ARHGAP22: variants seen among roughly 807,000 people sequenced by gnomAD.
The protein encoded by ARHGAP22 is Rho GTPase activating protein 22, also known as rho GTPase-activating protein 22.
ARHGAP22 carries 48 observed loss-of-function variants against 59.1 expected under a neutral mutation model. The ratio of observed to expected loss-of-function variants is 0.81; its 90% CI spans 0.64 to 1.03. The LOEUF is 1.03. Among genes scored for constraint, ARHGAP22 ranks in the 50% least tolerant of loss-of-function variants. The pLI is 0.00. For synonymous variants in ARHGAP22, 445 were observed against 416.4 expected (o/e 1.07, Z -0.84); for missense variants, 1,015 against 958.7 (o/e 1.06, Z -0.78).
chr10:48,591,921 G>A (rs1223558283), intron 1 of ARHGAP22, among the ~76,000 whole-genome samples: 1 of 152,130 alleles, frequency 6.6e-6, no homozygotes. Context: ...TGCATGCTCT[G>A]CAATCTAACA....
chr10:48,627,466 CAG>C (rs2061491330), intron 1 of ARHGAP22, among the ~76,000 whole-genome samples: 1 of 152,176 alleles, frequency 6.6e-6, no homozygotes, highest in Non-Finnish European at 1.5e-5. Flanking sequence ...ATTGGAGAAT[CAG>C]AGAGGGCAAG....
At chr10:48,519,692 T>G (rs144636793) in intron 3 of ARHGAP22, among the ~76,000 whole-genome samples, 123 of 152,300 alleles carry the variant, frequency 8.1e-4, no homozygotes, top group Non-Finnish European at 4.3e-4. Context: ...GGCTCAGAGA[T>G]GGATTCGGGC....
chr10:48,581,865 T>C (rs1299985682), intron 2 of ARHGAP22, among the ~76,000 whole-genome samples: 1 of 152,348 alleles, frequency 6.6e-6, no homozygotes, highest in East Asian at 1.9e-4. Flanking sequence ...CAGAAAGTTA[T>C]TCATGAGCAG....
At chr10:48,435,629 G>A in the ARHGAP22 span, 3 of 152,150 alleles carry the variant, frequency 2.0e-5, no homozygotes, top group South Asian at 2.1e-4. Flanking sequence ...ACAAGAATTG[G>A]TAGGCAATCC....
chr10:48,443,291 T>TTGAGA (rs199786323), downstream of ARHGAP22, among the ~76,000 whole-genome samples: 2,665 of 152,268 alleles, frequency 0.018, 29 homozygotes, highest in South Asian at 0.029. Context: ...TGTGAGTTAA[T>TTGAGA]GTAAAGCTCT....
At chr10:48,457,128 C>A (rs1398655064) in intron 5 of ARHGAP22, among the ~76,000 whole-genome samples, 2 of 152,104 alleles carry the variant, frequency 1.3e-5, no homozygotes, top group Non-Finnish European at 2.9e-5. Flanking sequence ...GCAAGGTGAC[C>A]CTCCATCTGC....
chr10:48,457,876 TC>T (rs1279309824), intron 5 of ARHGAP22, among the ~76,000 whole-genome samples: 1 of 143,708 alleles, frequency 7.0e-6, no homozygotes, highest in Non-Finnish European at 1.5e-5. Flanking sequence ...GAGAGCTCCA[TC>T]CCGGGACCCT....
chr10:48,470,241 G>A (rs2048105381), intron 4 of ARHGAP22, among the ~76,000 whole-genome samples: 1 of 152,238 alleles, frequency 6.6e-6, no homozygotes, highest in South Asian at 2.1e-4. Context: ...CCAGCAAGGT[G>A]GTTAAAAGAG....
At chr10:48,452,770 T>C (rs1212658509) in intron 8 of ARHGAP22, among the ~76,000 whole-genome samples, 1 of 152,206 alleles carries the variant, frequency 6.6e-6, no homozygotes, top group Non-Finnish European at 1.5e-5. Flanking sequence ...GTGGGGGCGA[T>C]TACCACAGCA....
intron 3 of ARHGAP22, among the ~76,000 whole-genome samples, chr10:48,536,688 TAAG>T (rs1256971344): frequency 1.3e-5 from 2 of 152,212 alleles, no homozygotes; most frequent in African/African-American, 4.8e-5. Context: ...CTGGAATTTT[TAAG>T]AAGGAGATAG....
chr10:48,617,046 T>C lies in ARHGAP22; in HGVS notation c.53-33894A>G, dbSNP rs2061107352. On this transcript the variant is annotated intron_variant, in intron 1 of 9. Coordinates refer to the ARHGAP22 transcript ENST00000435790. Reference sequence around the variant, plus strand: ...CCACAATGTATACAGATGTAACTGGTAGTAATAACATAAATTTGGCAGGGG... The same window carrying C: ...CCACAATGTATACAGATGTAACTGGCAGTAATAACATAAATTTGGCAGGGG... Among the ~76,000 whole-genome samples the C allele has an allele frequency of 1.3e-5, 2 of 151,992 alleles. 1 individual carries two copies. Among genetic ancestry groups the C allele is most frequent in the South Asian group, 4.1e-4 (2 of 4,830 alleles).
At chr10:48,517,561 T>C (rs928379796) in intron 3 of ARHGAP22, among the ~76,000 whole-genome samples, 2 of 152,184 alleles carry the variant, frequency 1.3e-5, no homozygotes, top group Admixed American at 1.3e-4. Context: ...TCTAGGAGAC[T>C]TGCTGCCCTA....
At chr10:48,443,096 G>A (rs893862835), downstream of ARHGAP22, among the ~76,000 whole-genome samples, 3 of 152,168 alleles carry the variant, frequency 2.0e-5, no homozygotes, top group African/African-American at 7.2e-5. Flanking sequence ...GGGATGCTAT[G>A]TAAGGTAATC....
At chr10:48,601,304 C>G (rs2060366489) in intron 1 of ARHGAP22, among the ~76,000 whole-genome samples, 1 of 152,180 alleles carries the variant, frequency 6.6e-6, no homozygotes. Flanking sequence ...CCAGTCTGAG[C>G]AGGTATGAGG....
intron 3 of ARHGAP22, among the ~76,000 whole-genome samples, chr10:48,509,084 C>T (rs991658998): frequency 1.3e-5 from 2 of 152,266 alleles, no homozygotes; most frequent in African/African-American, 4.8e-5. Context: ...TTATTCTTTG[C>T]TCATTGTCAG....
In ARHGAP22 at chr10:48,604,913, G is replaced by T; in HGVS notation, c.-117C>A. 4 of 1,576,130 alleles carry T rather than the reference G, an allele frequency of 2.5e-6. No individual in the cohort carries two copies. Among genetic ancestry groups the T allele is most frequent in the East Asian group, 2.4e-5 (1 of 42,474 alleles). ...CCTGCTCGTTCGGGGCCCCGTGGCCGCTGGCGTCACCCGTCAGGCTCCCTC... is the reference window on the plus strand; with the variant it reads ...CCTGCTCGTTCGGGGCCCCGTGGCCTCTGGCGTCACCCGTCAGGCTCCCTC... On this transcript the variant is annotated 5_prime_UTR_variant, in exon 1 of 10. Transcript: ENST00000249601.
At chr10:48,606,821 C>T (rs187621678), upstream of ARHGAP22, among the ~76,000 whole-genome samples, 11 of 152,172 alleles carry the variant, frequency 7.2e-5, no homozygotes, top group Non-Finnish European at 1.2e-4. Context: ...TAAGCACTTC[C>T]CCTGGGCCCT....
In ARHGAP22 at chr10:48,646,939, A is replaced by G. The variant is rs543465902; in HGVS notation, c.52+5295T>C. Among the ~76,000 whole-genome samples, 4 of 152,344 alleles carry G rather than the reference A, an allele frequency of 2.6e-5. No homozygotes were observed. The South Asian group carries it at 8.3e-4, about 32-fold the overall frequency. On this transcript the variant is annotated intron_variant, in intron 1 of 9. Coordinates refer to the ARHGAP22 transcript ENST00000435790. ...TTAAAATTTAAGTACACCATTAAGA[A>G]AATTAAAAGTCAAGCCACAGACTAG...
At chr10:48,538,634 T>C (rs2055603433) in intron 3 of ARHGAP22, among the ~76,000 whole-genome samples, 1 of 152,238 alleles carries the variant, frequency 6.6e-6, no homozygotes, top group South Asian at 2.1e-4. Flanking sequence ...TTTTGTGACA[T>C]GTTTTTTAAA....
Sources: allele counts gnomAD v4.1 joint callset (sites outside exome capture counted in the v4.1 genomes callset), GRCh38; gene constraint gnomAD v4.1.1; transcripts MANE v1.5; gene names NCBI Gene and HGNC (gene_info 2026-07-23, HGNC 2026-07-21).